The following XKR9 variants were observed in gnomAD, a reference collection of about 807,000 sequenced individuals.
XKR9 encodes XK-related protein 9.
Under a neutral mutation model 32.0 loss-of-function variants are expected in XKR9, and 32 were observed. That is an observed-to-expected ratio of 1.00 (90% CI 0.76 to 1.34). XKR9 has a LOEUF of 1.34. Ranked by LOEUF, XKR9 falls within the 40% of genes most tolerant of loss-of-function variation. The pLI, the probability that XKR9 is intolerant of heterozygous loss-of-function variation, is 0.00. For synonymous variants in XKR9, 168 were observed against 143.4 expected (o/e 1.17, Z -1.22); for missense variants, 546 against 429.7 (o/e 1.27, Z -2.39).
At chr8:70,722,898 T>G (rs1419446871) in intron 4 of XKR9, among the ~76,000 whole-genome samples, 2 of 152,124 alleles carry the variant, frequency 1.3e-5, no homozygotes, top group African/African-American at 4.8e-5. Flanking sequence ...TTTTTTTTAC[T>G]TTGCTTCCAT....
downstream of XKR9, among the ~76,000 whole-genome samples, chr8:70,736,164 T>C (rs1806857893): frequency 6.6e-6 from 1 of 151,956 alleles, no homozygotes; most frequent in Non-Finnish European, 1.5e-5. Flanking sequence ...TTCTAACTGG[T>C]GTGAGATGGT....
intron 3 of XKR9, among the ~76,000 whole-genome samples, chr8:70,706,089 A>C (rs895893282): frequency 6.6e-6 from 1 of 152,170 alleles, no homozygotes; most frequent in Admixed American, 6.6e-5. Flanking sequence ...GAACAGGTTG[A>C]AACAGGGCAT....
the XKR9 span, among the ~76,000 whole-genome samples, chr8:70,956,691 AG>A: frequency 1.3e-5 from 2 of 152,066 alleles, no homozygotes; most frequent in African/African-American, 4.8e-5. Context: ...CCAAGTCTGG[AG>A]GTGGCCAAGT....
the XKR9 span, among the ~76,000 whole-genome samples, chr8:70,945,581 A>AT: frequency 3.2e-3 from 482 of 150,772 alleles, 1 homozygote; most frequent in Middle Eastern, 6.8e-3. Context: ...ACTAATCGCT[A>AT]TTTTTTTTTT....
chr8:70,804,897 A>T, the XKR9 span, among the ~76,000 whole-genome samples: 1 of 152,222 alleles, frequency 6.6e-6, no homozygotes, highest in African/African-American at 2.4e-5. Context: ...AGCATTACAC[A>T]TTCCTTGAAA....
the XKR9 span, among the ~76,000 whole-genome samples, chr8:70,838,960 C>T: frequency 6.7e-6 from 1 of 150,034 alleles, no homozygotes; most frequent in Non-Finnish European, 1.5e-5. Flanking sequence ...TTAACCTTCG[C>T]TTATCCATCA....
chr8:70,673,556 A>G (rs1310036390), intron 1 of XKR9, among the ~76,000 whole-genome samples: 1 of 152,146 alleles, frequency 6.6e-6, no homozygotes, highest in South Asian at 2.1e-4. Context: ...TAATCCCAGC[A>G]CTTTGGGAGA....
the XKR9 span, among the ~76,000 whole-genome samples, chr8:70,795,382 T>C: frequency 6.6e-6 from 1 of 152,082 alleles, no homozygotes; most frequent in Non-Finnish European, 1.5e-5. Context: ...CATTGATGGG[T>C]ATTTAGGTTG....
At chr8:70,753,050 C>G (rs1320342115) in intron 2 of XKR9, among the ~76,000 whole-genome samples, 3 of 152,116 alleles carry the variant, frequency 2.0e-5, no homozygotes, top group Non-Finnish European at 4.4e-5. Flanking sequence ...AGAGAAGAAT[C>G]AAATAGACGC....
chr8:71,033,530 G>A, the XKR9 span, among the ~76,000 whole-genome samples: 1 of 152,144 alleles, frequency 6.6e-6, no homozygotes, highest in Admixed American at 6.6e-5. Flanking sequence ...TATCTCCAAT[G>A]TGGCAATGTT....
At chr8:70,810,490 A>C in the XKR9 span, among the ~76,000 whole-genome samples, 1 of 152,218 alleles carries the variant, frequency 6.6e-6, no homozygotes, top group Admixed American at 6.5e-5. Flanking sequence ...AAAGACACAG[A>C]CTGGCAAATT....
chr8:70,904,212 G>A, the XKR9 span, among the ~76,000 whole-genome samples: 1 of 152,214 alleles, frequency 6.6e-6, no homozygotes, highest in East Asian at 1.9e-4. Context: ...TAATGACAGT[G>A]GGGTGTTAAA....
chr8:70,722,979 G>A lies in XKR9; in HGVS notation c.494-10817G>A, dbSNP rs147220809. Among the ~76,000 whole-genome samples the A allele has an allele frequency of 2.9e-3, 442 of 151,974 alleles. 1 individual carries two copies. Among genetic ancestry groups the A allele is most frequent in the Middle Eastern group, 0.027 (8 of 294 alleles). On this transcript the variant is annotated intron_variant, in intron 4 of 4. Coordinates refer to ENST00000408926, the MANE Select transcript of XKR9 (RefSeq NM_001011720.2). ...TTTTCACAGAGTCCCATATTTCTTGGAGGCTTTGTTCATTCCTTTTCATTT... is the reference window on the plus strand; with the variant it reads ...TTTTCACAGAGTCCCATATTTCTTGAAGGCTTTGTTCATTCCTTTTCATTT...
chr8:70,773,079 C>G (rs1807475328), intron 2 of XKR9, among the ~76,000 whole-genome samples: 1 of 152,124 alleles, frequency 6.6e-6, no homozygotes, highest in African/African-American at 2.4e-5. Flanking sequence ...TACTGTAGCA[C>G]AAGTCTTGTC....
At chr8:70,714,761 G>C (rs1276207274) in intron 4 of XKR9, among the ~76,000 whole-genome samples, 5 of 152,024 alleles carry the variant, frequency 3.3e-5, no homozygotes, top group Non-Finnish European at 1.5e-5. Flanking sequence ...GTCTTATTTA[G>C]TGAACATGGA....
chr8:71,020,869 C>G, the XKR9 span, among the ~76,000 whole-genome samples: 1 of 152,166 alleles, frequency 6.6e-6, no homozygotes, highest in Admixed American at 6.5e-5. Context: ...TTCTATCTAA[C>G]TGTATATTAG....
the XKR9 span, among the ~76,000 whole-genome samples, chr8:70,900,928 T>A: frequency 6.6e-6 from 1 of 152,164 alleles, no homozygotes; most frequent in East Asian, 1.9e-4. Context: ...CTGTCCTTGC[T>A]ATAGTTTGCT....
In XKR9 at chr8:70,698,078, C is replaced by T. The variant is rs1172718800; in HGVS notation, c.273-8855C>T. Reference sequence around the variant, plus strand: ...CGTCTATTTGATTCTTCTCTCTTTTCTTCTTTATTAGTCTTGCTAGCGGTC... The same window carrying T: ...CGTCTATTTGATTCTTCTCTCTTTTTTTCTTTATTAGTCTTGCTAGCGGTC... On this transcript the variant is annotated intron_variant, in intron 3 of 4. Transcript: ENST00000408926. Among the ~76,000 whole-genome samples, 3 of 151,470 alleles carry T rather than the reference C, an allele frequency of 2.0e-5. No homozygotes were observed. In the East Asian group the frequency reaches 5.8e-4, roughly 29 times the overall value.
the XKR9 span, among the ~76,000 whole-genome samples, chr8:71,029,252 AT>A: frequency 2.0e-5 from 3 of 152,376 alleles, no homozygotes; most frequent in African/African-American, 7.2e-5. Context: ...CAAGAGCCAG[AT>A]AAAAGATTAA....
Sources: gnomAD v4.1 joint callset for allele counts (sites outside exome capture counted in the v4.1 genomes callset) on GRCh38, gnomAD v4.1.1 for gene constraint, MANE v1.5 for transcripts, NCBI Gene and HGNC (gene_info 2026-07-23, HGNC 2026-07-21) for gene names.